CLNK: variants seen among roughly 807,000 people sequenced by gnomAD.
CLNK encodes cytokine dependent hematopoietic cell linker, also known as cytokine-dependent hematopoietic cell linker.
A neutral mutation model predicts 68.6 loss-of-function variants in CLNK; 74 were observed. The ratio of observed to expected loss-of-function variants is 1.08; its 90% confidence interval spans 0.89 to 1.31. The LOEUF is 1.31. CLNK is among the 50% of genes most tolerant of loss of function. CLNK has a pLI of 0.00. For missense variants in CLNK, 553 were observed against 515.3 expected (o/e 1.07, Z -0.71); for synonymous variants, 198 against 172.2 (o/e 1.15, Z -1.17).
At chr4:10,723,274 C>A in the CLNK span, among the ~76,000 whole-genome samples, 1 of 152,150 alleles carries the variant, frequency 6.6e-6, no homozygotes, top group South Asian at 2.1e-4. Flanking sequence ...GCTTACGATC[C>A]GTGCTTCCAG....
chr4:10,684,790 G>A (rs1725210364), upstream of CLNK: 3 of 152,078 alleles, frequency 2.0e-5, no homozygotes, highest in African/African-American at 2.4e-5. Flanking sequence ...AATTCTTCTC[G>A]ATGCTAAGCA....
intron 3 of CLNK, among the ~76,000 whole-genome samples, chr4:10,597,248 G>A (rs140190542): frequency 6.6e-4 from 101 of 152,302 alleles, no homozygotes; most frequent in African/African-American, 2.4e-3. Context: ...AGGAAGAGAA[G>A]CCACCCCAGG....
At chr4:10,500,513 A>ATCT (rs1560189565) in intron 18 of CLNK, among the ~76,000 whole-genome samples, 1 of 152,092 alleles carries the variant, frequency 6.6e-6, no homozygotes, top group East Asian at 1.9e-4. Flanking sequence ...AAACCCCATC[A>ATCT]CTACTAAAAT....
At position 10,558,476 on chromosome 4, in the gene CLNK, T is replaced by C. The variant is rs752079668; in HGVS notation, c.400-24A>G. 4 of 1,610,672 alleles carry C rather than the reference T, an allele frequency of 2.5e-6. No homozygotes were observed. In the Admixed American group the frequency reaches 6.7e-5, roughly 27 times the overall value. ...ACCTGTACAAGACAATGAGGCACCA[T>C]TATCTCTTCAGTTGTGACTATGACA... is the stretch of plus-strand genomic sequence containing the variant. On this transcript the variant is annotated intron_variant, in intron 7 of 18. Coordinates refer to ENST00000226951, the MANE Select transcript of CLNK (RefSeq NM_052964.4).
rs559767951 is a variant in CLNK, at chr4:10,630,872, C to T, written c.12-32823G>A. On this transcript the variant is annotated intron_variant, in intron 2 of 18. Transcript: ENST00000226951. The stretch of plus-strand genomic sequence containing the variant: ...TGTAGCAGGTAAGCAGGATTGAGGG[C>T]GTTTCTCTCATTACACCAAGCCATT... Among the ~76,000 whole-genome samples, 13 of 152,214 alleles carry T rather than the reference C, an allele frequency of 8.5e-5. No homozygotes were observed. The East Asian group carries it at 1.5e-3, about 18-fold the overall frequency.
At chr4:10,707,385 T>A in the CLNK span, among the ~76,000 whole-genome samples, 1 of 152,214 alleles carries the variant, frequency 6.6e-6, no homozygotes, top group Non-Finnish European at 1.5e-5. Flanking sequence ...CAATTGCCAG[T>A]AAGAAAATCT....
chr4:10,710,000 C>T, the CLNK span, among the ~76,000 whole-genome samples: 1 of 152,192 alleles, frequency 6.6e-6, no homozygotes, highest in Non-Finnish European at 1.5e-5. Flanking sequence ...TCAACAATTG[C>T]TTACTGTTTC....
In CLNK at chr4:10,533,920, T is replaced by C. The variant is rs182823842; in HGVS notation, c.603-1637A>G. On this transcript the variant is annotated intron_variant, in intron 11 of 18. Transcript: ENST00000226951. ...TTGGATTTACAGAAATTGTTAAAGT[T>C]TTGCTGGCTAGCATTTAAACCTACC... 2.0e-5 allele frequency among the ~76,000 whole-genome samples: 3 copies of C among 152,342 alleles called. No homozygotes were observed. In the East Asian group the frequency reaches 5.8e-4, roughly 29 times the overall value.
chr4:10,588,079 G>A (rs1396621321), intron 3 of CLNK, among the ~76,000 whole-genome samples: 1 of 152,210 alleles, frequency 6.6e-6, no homozygotes. Context: ...CCCAGGACTT[G>A]CAACTCATGA....
chr4:10,529,541 T>C (rs1222049468), intron 12 of CLNK, among the ~76,000 whole-genome samples: 2 of 152,364 alleles, frequency 1.3e-5, no homozygotes, highest in African/African-American at 4.8e-5. Context: ...TCAAAGACTT[T>C]GGCATTCCCT....
chr4:10,559,702 C>T (rs185571307), intron 7 of CLNK, among the ~76,000 whole-genome samples: 1 of 152,162 alleles, frequency 6.6e-6, no homozygotes, highest in East Asian at 1.9e-4. Flanking sequence ...TACAGGATTC[C>T]CCGGCCCAGG....
At chr4:10,490,677 T>C (rs1390279186) in intron 18 of CLNK, 64 bp from the exon 19 acceptor site, 13 of 1,356,522 alleles carry the variant, frequency 9.6e-6, no homozygotes, top group Non-Finnish European at 1.3e-5. Context: ...GGTTAAAGTA[T>C]AGCCAAGGTG....
chr4:10,626,556 G>A (rs951119441), intron 2 of CLNK, among the ~76,000 whole-genome samples: 2 of 151,656 alleles, frequency 1.3e-5, no homozygotes, highest in Non-Finnish European at 2.9e-5. Context: ...TAACACACGA[G>A]AAAATTGAGA....
intron 2 of CLNK, chr4:10,598,774 AT>A: frequency 2.7e-6 from 1 of 369,340 alleles, no homozygotes; most frequent in Admixed American, 3.1e-5. Context: ...TTTTGCAGGC[AT>A]TTCATTAGCT....
In CLNK at chr4:10,486,755, T is replaced by A. The variant is rs1716370363; in HGVS notation, c.*3712A>T. 6.6e-6 allele frequency: 1 copy of A among 152,176 alleles called. No individual in the cohort carries two copies. Among genetic ancestry groups the A allele is most frequent in the African/African-American group, 2.4e-5 (1 of 41,450 alleles). 9.4% of individuals were successfully genotyped at this position (152,176 alleles called of 1,614,324 possible). The stretch of plus-strand genomic sequence containing the variant: ...AATTTTAAATTTTCTCACTTAGGAC[T>A]TTTCAAAGCCATCTCAAAGGAGCTT... On this transcript the variant is annotated 3_prime_UTR_variant, in exon 19 of 19. Transcript: ENST00000226951.
chr4:10,656,159 C>T (rs755150040), intron 2 of CLNK, among the ~76,000 whole-genome samples: 15 of 151,758 alleles, frequency 9.9e-5, no homozygotes, highest in Non-Finnish European at 2.1e-4. Context: ...TTAAACAATA[C>T]ACAAAATGAA....
At position 10,681,984 on chromosome 4, in the gene CLNK, G is replaced by T. The variant is rs550123256; in HGVS notation, c.-43+2684C>A. 1.1e-4 allele frequency among the ~76,000 whole-genome samples: 17 copies of T among 152,264 alleles called. No homozygotes were observed. In the East Asian group the frequency reaches 3.3e-3, roughly 29 times the overall value. On this transcript the variant is annotated intron_variant, in intron 1 of 18. Coordinates refer to ENST00000226951, the MANE Select transcript of CLNK (RefSeq NM_052964.4). The stretch of plus-strand genomic sequence containing the variant: ...CTTAAATGGTAACCTGTAAGTCATT[G>T]CTCTTTGGAAGACATGATTAAAATT...
In CLNK at chr4:10,565,289, G is replaced by A. The variant is rs35765033; in HGVS notation, c.293-512C>T. Among the ~76,000 whole-genome samples, 851 of 152,292 alleles carry A rather than the reference G, an allele frequency of 5.6e-3. 10 individuals are homozygous for A. The highest frequency in any genetic ancestry group is 0.02 in the African/African-American group (818 of 41,572). ...GATGCTCAATGAATGCTTACTGAAT[G>A]AATGAACAAGAAAAGTCATCATCAT... On this transcript the variant is annotated intron_variant, in intron 6 of 18. Coordinates refer to ENST00000226951, the MANE Select transcript of CLNK (RefSeq NM_052964.4).
intron 8 of CLNK, 87 bp from the exon 9 acceptor site, chr4:10,542,367 AT>A: frequency 2.3e-6 from 2 of 862,464 alleles, no homozygotes; most frequent in Non-Finnish European, 3.7e-6. Flanking sequence ...AATCATTTTT[AT>A]TTGTAATAAT....
Sources: allele counts gnomAD v4.1 joint callset (sites outside exome capture counted in the v4.1 genomes callset), GRCh38; gene constraint gnomAD v4.1.1; transcripts MANE v1.5; gene names NCBI Gene and HGNC (gene_info 2026-07-23, HGNC 2026-07-21).